Variants in LYPLAL1 observed in about 807,000 individuals in gnomAD.
LYPLAL1 encodes lysophospholipase like 1, also known as lysophospholipase-like protein 1.
In LYPLAL1, 23 loss-of-function variants were observed where a neutral mutation model predicts 19.7. That is an observed-to-expected ratio of 1.17 (90% CI 0.84 to 1.65). LYPLAL1 has a LOEUF of 1.65. Among genes scored for constraint, LYPLAL1 ranks in the 40% most tolerant of loss-of-function variants. The pLI is 0.00. For missense variants in LYPLAL1, 355 were observed against 279.4 expected (o/e 1.27, Z -1.93); for synonymous variants, 119 against 96.3 (o/e 1.24, Z -1.38).
chr1:219,295,254 A>C, the LYPLAL1 span, among the ~76,000 whole-genome samples: 3 of 152,124 alleles, frequency 2.0e-5, no homozygotes, highest in African/African-American at 7.2e-5. Context: ...GACTCACATC[A>C]CAATTGTTCA....
the LYPLAL1 span, among the ~76,000 whole-genome samples, chr1:219,429,749 A>C: frequency 6.6e-6 from 1 of 152,222 alleles, no homozygotes; most frequent in Non-Finnish European, 1.5e-5. Context: ...AGCTGAAGCC[A>C]ATTTAATCTG....
the LYPLAL1 span, among the ~76,000 whole-genome samples, chr1:219,376,050 T>C: frequency 6.6e-6 from 1 of 152,148 alleles, no homozygotes; most frequent in Non-Finnish European, 1.5e-5. Flanking sequence ...CTATGCTTCC[T>C]GATTTTCTAA....
chr1:219,413,566 C>A, the LYPLAL1 span, among the ~76,000 whole-genome samples: 1 of 152,158 alleles, frequency 6.6e-6, no homozygotes, highest in Non-Finnish European at 1.5e-5. Flanking sequence ...AAGTTACCCC[C>A]CAAAGAAGGA....
the LYPLAL1 span, among the ~76,000 whole-genome samples, chr1:219,431,578 C>T: frequency 6.6e-6 from 1 of 152,168 alleles, no homozygotes; most frequent in Non-Finnish European, 1.5e-5. Context: ...AGTGCCTGGC[C>T]TGTGCAGCTT....
At chr1:219,294,583 C>T in the LYPLAL1 span, among the ~76,000 whole-genome samples, 4 of 152,142 alleles carry the variant, frequency 2.6e-5, no homozygotes, top group Non-Finnish European at 5.9e-5. Flanking sequence ...TTTCTTGTGG[C>T]CTAAGCACCA....
chr1:219,221,034 C>T, the LYPLAL1 span, among the ~76,000 whole-genome samples: 1 of 152,116 alleles, frequency 6.6e-6, no homozygotes, highest in Non-Finnish European at 1.5e-5. Flanking sequence ...GTGTGGCTGC[C>T]CTCATTGCAA....
intron 3 of LYPLAL1, among the ~76,000 whole-genome samples, chr1:219,207,322 C>G (rs1658654211): frequency 6.6e-6 from 1 of 152,000 alleles, no homozygotes; most frequent in African/African-American, 2.4e-5. Context: ...GGCATAAGAG[C>G]TTTTAAAAAT....
chr1:219,250,828 G>A, the LYPLAL1 span, among the ~76,000 whole-genome samples: 1 of 152,028 alleles, frequency 6.6e-6, no homozygotes, highest in East Asian at 1.9e-4. Context: ...CCAATAATGG[G>A]ATTGCTGGGT....
the LYPLAL1 span, among the ~76,000 whole-genome samples, chr1:219,288,330 C>G: frequency 1.3e-5 from 2 of 152,112 alleles, no homozygotes; most frequent in African/African-American, 4.8e-5. Flanking sequence ...ACAAAGGAAA[C>G]TTAAGTGCAT....
intron 3 of LYPLAL1, among the ~76,000 whole-genome samples, chr1:219,197,432 A>T (rs1657692613): frequency 6.6e-6 from 1 of 152,230 alleles, no homozygotes; most frequent in Admixed American, 6.5e-5. Flanking sequence ...CATATGCAGA[A>T]AATTGAAACT....
At chr1:219,189,857 T>G (rs1334031622) in intron 2 of LYPLAL1, among the ~76,000 whole-genome samples, 1 of 151,646 alleles carries the variant, frequency 6.6e-6, no homozygotes, top group Non-Finnish European at 1.5e-5. Flanking sequence ...TTTACTAAAT[T>G]TTTTGATAAA....
chr1:219,198,420 A>G (rs190899799), intron 3 of LYPLAL1: 68 of 152,176 alleles, frequency 4.5e-4, no homozygotes, highest in African/African-American at 1.6e-3. Flanking sequence ...TTTAAAGTAT[A>G]GTTTAGAATT....
the LYPLAL1 span, among the ~76,000 whole-genome samples, chr1:219,287,507 A>G: frequency 1.1e-4 from 16 of 152,282 alleles, no homozygotes; most frequent in South Asian, 1.0e-3. Flanking sequence ...AATAGCCTAC[A>G]CACCTATTAG....
chr1:219,420,350 A>C, the LYPLAL1 span, among the ~76,000 whole-genome samples: 1 of 152,256 alleles, frequency 6.6e-6, no homozygotes, highest in Non-Finnish European at 1.5e-5. Context: ...TTTAAATATT[A>C]ACCCGAATAA....
At chr1:219,332,354 T>C in the LYPLAL1 span, among the ~76,000 whole-genome samples, 2 of 152,094 alleles carry the variant, frequency 1.3e-5, no homozygotes, top group African/African-American at 4.8e-5. Context: ...CCCAGGTGAG[T>C]TGCCAGATAT....
the LYPLAL1 span, among the ~76,000 whole-genome samples, chr1:219,375,774 C>T: frequency 6.8e-5 from 10 of 148,102 alleles, no homozygotes; most frequent in African/African-American, 2.5e-4. Context: ...CAGAGTCTCG[C>T]TCTGTCGTCC....
chr1:219,237,005 T>A, the LYPLAL1 span, among the ~76,000 whole-genome samples: 1 of 152,134 alleles, frequency 6.6e-6, no homozygotes, highest in Admixed American at 6.5e-5. Context: ...GTTATTGTTG[T>A]AGCACCTAAA....
At chr1:219,239,026 G>C in the LYPLAL1 span, among the ~76,000 whole-genome samples, 1 of 152,108 alleles carries the variant, frequency 6.6e-6, no homozygotes, top group Non-Finnish European at 1.5e-5. Flanking sequence ...TTTGTCCCAG[G>C]AAATTTGTGC....
At chr1:219,436,071 C>T in the LYPLAL1 span, among the ~76,000 whole-genome samples, 2 of 152,158 alleles carry the variant, frequency 1.3e-5, no homozygotes, top group African/African-American at 4.8e-5. Context: ...CACACTAGCC[C>T]GTACACCCAC....
Sources: gnomAD v4.1 joint callset for allele counts (sites outside exome capture counted in the v4.1 genomes callset) on GRCh38, gnomAD v4.1.1 for gene constraint, MANE v1.5 for transcripts, NCBI Gene and HGNC (gene_info 2026-07-23, HGNC 2026-07-21) for gene names.